ENOSF1: variants seen among roughly 807,000 people sequenced by gnomAD.
ENOSF1 encodes mitochondrial enolase superfamily member 1.
A neutral mutation model predicts 68.2 loss-of-function variants in ENOSF1; 73 were observed. The observed-to-expected ratio is 1.07, with a 90% CI of 0.89 to 1.30. The LOEUF is 1.30. Among genes scored for constraint, ENOSF1 ranks in the 50% most tolerant of loss-of-function variants. The probability of loss-of-function intolerance (pLI) is 0.00; values close to 1 mark genes in which losing one functional copy is unlikely to be tolerated. For missense variants in ENOSF1, 589 were observed against 554.5 expected (o/e 1.06, Z -0.62); for synonymous variants, 223 against 210.4 (o/e 1.06, Z -0.52).
In ENOSF1 at chr18:695,136, C is replaced by A. The variant is rs532886441; in HGVS notation, c.310-802G>T. Among the ~76,000 whole-genome samples the A allele has an allele frequency of 3.1e-4, 47 of 152,248 alleles. 2 individuals carry two copies. The South Asian group carries it at 9.1e-3, about 30-fold the overall frequency. ...GGGATCACGTATTACATTTAGTCGC[C>A]ATGCCTCTTTAGTCTCTTTTTACCT... On this transcript the variant is annotated intron_variant, in intron 3 of 15. Transcript: ENST00000647584.
At chr18:668,868 CCA>C (rs1423128002), downstream of ENOSF1, among the ~76,000 whole-genome samples, 2 of 151,892 alleles carry the variant, frequency 1.3e-5, no homozygotes, top group African/African-American at 4.8e-5. Flanking sequence ...TGTTAGGGCT[CCA>C]GAGGACAGAG....
chr18:685,090 C>G (rs545545007), intron 10 of ENOSF1, among the ~76,000 whole-genome samples: 1 of 152,254 alleles, frequency 6.6e-6, no homozygotes, highest in East Asian at 1.9e-4. Flanking sequence ...TCCCAAACTC[C>G]TGGCCTCAAG....
intron 2 of ENOSF1, among the ~76,000 whole-genome samples, chr18:700,148 G>A (rs1370964027): frequency 1.3e-5 from 2 of 152,164 alleles, no homozygotes; most frequent in Non-Finnish European, 2.9e-5. Context: ...AACAGCTCTC[G>A]GATGATTGCA....
At position 673,740 on chromosome 18, in the gene ENOSF1, A is replaced by T. The variant is rs527259061; in HGVS notation, c.*565T>A. On this transcript the variant is annotated 3_prime_UTR_variant, in exon 16 of 16. Coordinates refer to ENST00000647584, the MANE Select transcript of ENOSF1 (RefSeq NM_017512.7). The stretch of plus-strand genomic sequence containing the variant: ...TTTTTTTTTTTTTTAAACTTTTATA[A>T]CCTTAAAGGGTTATTTTAAAATAAT... The T allele has an allele frequency of 3.3e-5, 5 of 152,150 alleles. No homozygotes were observed. Among genetic ancestry groups the T allele is most frequent in the African/African-American group, 1.2e-4 (5 of 40,688 alleles). 9.4% of individuals were successfully genotyped at this position (152,150 alleles called of 1,614,324 possible). A position where few individuals can be genotyped will look rare whatever the true frequency, so the allele number is the denominator to read the frequency against.
Position 705,686 on chromosome 18 carries a change from T to C in ENOSF1, c.193+784A>G, listed in dbSNP as rs79545513. 1.5e-3 allele frequency among the ~76,000 whole-genome samples: 224 copies of C among 151,642 alleles called. 6 individuals carry two copies. In the East Asian group the frequency reaches 0.04, roughly 27 times the overall value. ...GCCAAAGCCCTTTTCGCCATGAAAA[T>C]AGTGAACTGGAAACCGATTTGGTGT... On this transcript the variant is annotated intron_variant, in intron 2 of 15. Coordinates refer to ENST00000647584, the MANE Select transcript of ENOSF1 (RefSeq NM_017512.7).
intron 1 of ENOSF1, among the ~76,000 whole-genome samples, chr18:711,852 C>G (rs973158808): frequency 2.0e-5 from 3 of 152,188 alleles, no homozygotes; most frequent in African/African-American, 7.2e-5. Flanking sequence ...CTTGGTTTCT[C>G]AACCCGACTG....
downstream of ENOSF1, chr18:669,053 CTT>C (rs1184723501): frequency 5.0e-6 from 8 of 1,605,224 alleles, no homozygotes; most frequent in Admixed American, 1.3e-4. Context: ...CCTGTCCTCT[CTT>C]TTTGACAATT....
Position 697,276 on chromosome 18 carries a change from G to A in ENOSF1, c.273C>T (p.Phe91=). The change falls in exon 3 of 16, where the codon TTC becomes TTT. Residue 91 remains phenylalanine, a synonymous_variant. Transcript: ENST00000647584. ...GCCCATCACTTGTGAGCTGCCTATA[G>A]AAGCCTCTGAAGTCACCAACAATGT... is the stretch of plus-strand genomic sequence containing the variant. The part of the protein sequence containing the change: ...LKDIVGDFRG[F]YRQLTSDGQL... The A allele has an allele frequency of 6.2e-7, 1 of 1,613,926 alleles. No individual in the cohort carries two copies. Among genetic ancestry groups the A allele is most frequent in the Non-Finnish European group, 8.5e-7 (1 of 1,179,912 alleles).
chr18:666,290 C>T (rs1434012232), downstream of ENOSF1, among the ~76,000 whole-genome samples: 1 of 151,750 alleles, frequency 6.6e-6, no homozygotes, highest in East Asian at 1.9e-4. Context: ...CAAAATGCCC[C>T]CATTGCTTTG....
Position 683,384 on chromosome 18 carries a change from C to T in ENOSF1, c.742-4G>A. Reference sequence around the variant, plus strand: ...AGCGCTGGTTGGCATCCATCATCTGCAAAAAGAGACTCTTCACAGGGAGGT... The same window carrying T: ...AGCGCTGGTTGGCATCCATCATCTGTAAAAAGAGACTCTTCACAGGGAGGT... On this transcript the variant is annotated splice_region_variant and splice_polypyrimidine_tract_variant and intron_variant, in intron 10 of 15. Coordinates refer to ENST00000647584, the MANE Select transcript of ENOSF1 (RefSeq NM_017512.7). 3 of 1,612,858 alleles carry T rather than the reference C, an allele frequency of 1.9e-6. No individual in the cohort carries two copies. Among genetic ancestry groups the T allele is most frequent in the Non-Finnish European group, 2.5e-6 (3 of 1,179,708 alleles).
At chr18:707,749 A>G (rs1238619775) in intron 1 of ENOSF1, 1 of 152,174 alleles carries the variant, frequency 6.6e-6, no homozygotes, top group Non-Finnish European at 1.5e-5. Flanking sequence ...TTAATCTTAT[A>G]ACAATATTAT....
At chr18:666,462 G>T (rs563603515), downstream of ENOSF1, among the ~76,000 whole-genome samples, 4 of 152,274 alleles carry the variant, frequency 2.6e-5, no homozygotes, top group East Asian at 7.7e-4. Context: ...CACTGTTGGT[G>T]TCACCTCTTA....
At chr18:699,390 A>T (rs2078082216) in intron 2 of ENOSF1, among the ~76,000 whole-genome samples, 1 of 151,960 alleles carries the variant, frequency 6.6e-6, no homozygotes, top group Admixed American at 6.6e-5. Context: ...AGGTAGGAGG[A>T]TCACTTTAGC....
In ENOSF1 at chr18:673,477, T is replaced by C. The variant is rs1055432888; in HGVS notation, c.*828A>G. The C allele has an allele frequency of 3.6e-4, 76 of 211,636 alleles. 1 individual carries two copies. The highest frequency in any genetic ancestry group is 3.5e-4 in the Admixed American group (6 of 17,264). The allele number at this position is 211,636 out of a possible 1,614,324, so 13.1% of individuals were successfully genotyped here. On this transcript the variant is annotated 3_prime_UTR_variant, in exon 16 of 16. Transcript: ENST00000647584. ...ATAGTTGTTTTATATGTTGCTATAA[T>C]AAAGAAGTGTTCTGCATTCGTCCAC...
chr18:692,879 C>G, intron 5 of ENOSF1: 1 of 1,105,198 alleles, frequency 9.0e-7, no homozygotes, highest in Non-Finnish European at 1.1e-6. Context: ...TCACTTTCCT[C>G]CGGAGGAGGA....
At chr18:695,552 G>A (rs538052110) in intron 3 of ENOSF1, among the ~76,000 whole-genome samples, 114 of 133,318 alleles carry the variant, frequency 8.6e-4, no homozygotes, top group African/African-American at 2.9e-3. Flanking sequence ...ATTTTAATCA[G>A]CTGTAATGGG....
chr18:666,981 AGATG>A (rs2074843104), downstream of ENOSF1, among the ~76,000 whole-genome samples: 2 of 8,538 alleles, frequency 2.3e-4, no homozygotes, highest in African/African-American at 1.2e-3. Flanking sequence ...ATGGAGATGG[AGATG>A]GTGATGGTGA....
In ENOSF1 at chr18:677,852, A is replaced by C. The variant is rs2075671500; in HGVS notation, c.939T>G (p.Phe313Leu). The change falls in exon 13 of 16, where the codon TTT becomes TTG. Residue 313 changes from phenylalanine to leucine, a missense_variant. Coordinates refer to ENST00000647584, the MANE Select transcript of ENOSF1 (RefSeq NM_017512.7). ...TGEQCHNRVI[F>L]KQLLQAKALQ... ...GGGCCTTCGCCTGTAGGAGTTGCTT[A>C]AATATCACTCTATTGTGGCACTGGA... 2 of 1,614,044 alleles carry C rather than the reference A, an allele frequency of 1.2e-6. No individual in the cohort carries two copies. The highest frequency in any genetic ancestry group is 2.2e-5 in the East Asian group (1 of 44,886).
At chr18:700,439 C>T (rs1348448692) in intron 2 of ENOSF1, among the ~76,000 whole-genome samples, 1 of 152,204 alleles carries the variant, frequency 6.6e-6, no homozygotes, top group South Asian at 2.1e-4. Flanking sequence ...ACCTCTGGTT[C>T]ATGTCACAAT....
Sources: allele counts gnomAD v4.1 joint callset (sites outside exome capture counted in the v4.1 genomes callset), GRCh38; gene constraint gnomAD v4.1.1; transcripts MANE v1.5; gene names NCBI Gene and HGNC (gene_info 2026-07-23, HGNC 2026-07-21).